The following ACACB variants were observed in gnomAD, a reference collection of about 807,000 sequenced individuals.
ACACB encodes the protein acetyl-CoA carboxylase beta, also known as acetyl-CoA carboxylase 2.
ACACB carries 209 observed loss-of-function variants against 278.8 expected under a neutral mutation model. The observed-to-expected ratio is 0.75, with a 90% confidence interval of 0.67 to 0.84. The LOEUF is 0.84. ACACB is among the 40% of genes least tolerant of loss of function. The pLI, the probability that ACACB is intolerant of heterozygous loss-of-function variation, is 0.00. For synonymous variants in ACACB, 1,174 were observed against 1,285.6 expected, an observed-to-expected ratio of 0.91 and a Z score of 1.86; for missense variants, 2,850 against 3,269.0, an observed-to-expected ratio of 0.87 and a Z score of 3.13.
chr12:109,216,367 G>A lies in ACACB; in HGVS notation c.3351-251G>A, dbSNP rs138421263. Among the ~76,000 whole-genome samples the A allele has an allele frequency of 3.6e-3, 546 of 151,926 alleles. 5 individuals carry two copies. The highest frequency in any genetic ancestry group is 0.013 in the African/African-American group (519 of 41,448). ...CTCCTGAGTAGCTGGGACTACCGGC[G>A]CGTGCCACCATGCCCAGCTAGTTTT... On this transcript the variant is annotated intron_variant, in intron 22 of 52. Coordinates refer to ENST00000338432, the MANE Select transcript of ACACB (RefSeq NM_001093.4).
In ACACB at chr12:109,139,982, C is replaced by G. The variant is rs1477550372; in HGVS notation, c.577C>G (p.Arg193Gly). 1.2e-6 allele frequency: 2 copies of G among 1,613,420 alleles called. No individual in the cohort carries two copies. The highest frequency in any genetic ancestry group is 1.3e-5 in the African/African-American group (1 of 74,944). Residue 193 changes from arginine to glycine, a missense_variant, in exon 2 of 53, where the codon CGG becomes GGG. Transcript: ENST00000338432. ...SSRESTRKGSRASLGALSLEA... is the reference protein window; with the variant it reads ...SSRESTRKGSGASLGALSLEA... ...TCGTGAGTCTACCCGGAAGGGCAGC[C>G]GGGCCAGCTTGGGGGCCCTGTCCCT...
chr12:109,249,734 T>A (rs1344943410), intron 40 of ACACB: 1 of 304,156 alleles, frequency 3.3e-6, no homozygotes. Flanking sequence ...TCAAGTAATC[T>A]GCCCGCCTCG....
rs754013012 is a variant in ACACB at position 109,241,061 on chromosome 12, G to T, written c.4819-17G>T. ...ATGTCTTGGCCCTGAAACTGGAATT[G>T]CTGTGTTTTGGGGCAGATCGAGGAG... On this transcript the variant is annotated splice_polypyrimidine_tract_variant and intron_variant, in intron 35 of 52. Coordinates refer to ENST00000338432, the MANE Select transcript of ACACB (RefSeq NM_001093.4). 3.2e-5 allele frequency: 51 copies of T among 1,610,548 alleles called. No individual in the cohort carries two copies. In the East Asian group the frequency reaches 1.1e-3, roughly 36 times the overall value.
At chr12:109,227,296 C>A in intron 27 of ACACB, 75 bp from the exon 28 acceptor site, 1 of 1,309,316 alleles carries the variant, frequency 7.6e-7, no homozygotes, top group Non-Finnish European at 1.1e-6. Flanking sequence ...ACCTGTTCCC[C>A]GTGAGTGCCC....
intron 22 of ACACB, 49 bp downstream of exon 22, chr12:109,212,985 C>T: frequency 6.6e-7 from 1 of 1,520,632 alleles, no homozygotes; most frequent in Non-Finnish European, 9.1e-7. Flanking sequence ...TGAATCGTCG[C>T]ATGCATTGCA....
intron 1 of ACACB, among the ~76,000 whole-genome samples, chr12:109,127,965 C>A (rs374295861): frequency 1.3e-5 from 2 of 152,182 alleles, no homozygotes; most frequent in South Asian, 4.1e-4. Context: ...GGAACTTTGG[C>A]AGAGTCCCCA....
rs2046779623 is a variant in ACACB at position 109,240,978 on chromosome 12, T to G, written c.4819-100T>G. 4 of 1,197,478 alleles carry G rather than the reference T, an allele frequency of 3.3e-6. No homozygotes were observed. In the Admixed American group the frequency reaches 7.6e-5, roughly 23 times the overall value. The allele number at this position is 1,197,478 out of a possible 1,614,324, so 74.2% of individuals were successfully genotyped here. ...ATACACACTATGTCCCAGGCGTTTT[T>G]GCAGTCAGTATATCTCATCCTCTTA... is the stretch of plus-strand genomic sequence containing the variant. On this transcript the variant is annotated intron_variant, in intron 35 of 52. Transcript: ENST00000338432.
chr12:109,229,942 T>A (rs114835950), intron 28 of ACACB, among the ~76,000 whole-genome samples: 2 of 152,304 alleles, frequency 1.3e-5, no homozygotes, highest in Admixed American at 6.5e-5. Flanking sequence ...GTGGGATACC[T>A]TCTCTTAAAG....
At chr12:109,174,292 G>A in intron 7 of ACACB, 62 bp downstream of exon 7, 1 of 1,348,170 alleles carries the variant, frequency 7.4e-7, no homozygotes, top group South Asian at 1.3e-5. Flanking sequence ...AATGTGAACG[G>A]TCAGGGTGAC....
chr12:109,133,248 C>G (rs1327907069), intron 1 of ACACB, among the ~76,000 whole-genome samples: 2 of 151,230 alleles, frequency 1.3e-5, no homozygotes, highest in Non-Finnish European at 3.0e-5. Context: ...CTTTCTCTCT[C>G]TCTCTCTCTC....
At chr12:109,165,798 ATC>A (rs2043877319) in intron 2 of ACACB, among the ~76,000 whole-genome samples, 1 of 152,170 alleles carries the variant, frequency 6.6e-6, no homozygotes, top group Non-Finnish European at 1.5e-5. Flanking sequence ...CTAAATTCAC[ATC>A]TCTCAGGATG....
intron 11 of ACACB, among the ~76,000 whole-genome samples, chr12:109,182,679 T>G (rs771248334): frequency 8.2e-4 from 125 of 152,340 alleles, no homozygotes; most frequent in Admixed American, 5.9e-4. Context: ...CTTGAGCTTC[T>G]TATGTATTCT....
rs192900717 is a variant in ACACB, at chr12:109,158,754, G to A, written c.654-8107G>A. Among the ~76,000 whole-genome samples the A allele has an allele frequency of 1.2e-4, 19 of 152,174 alleles. 1 individual carries two copies. Among genetic ancestry groups the A allele is most frequent in the African/African-American group, 4.1e-4 (17 of 41,532 alleles). ...TTTGGGAGGCCAAGGTGGGCAGATC[G>A]CCCTGAGGTCAGGAGTTCAAGACCA... On this transcript the variant is annotated intron_variant, in intron 2 of 52. Transcript: ENST00000338432.
At chr12:109,161,871 G>A (rs2043736180) in intron 2 of ACACB, among the ~76,000 whole-genome samples, 1 of 151,976 alleles carries the variant, frequency 6.6e-6, no homozygotes, top group Admixed American at 6.6e-5. Flanking sequence ...ATAGCAAAGA[G>A]ATAACGGCTC....
In ACACB at chr12:109,192,098, C is replaced by A; in HGVS notation, c.2399+148C>A. 3.6e-6 allele frequency: 3 copies of A among 830,484 alleles called. 1 individual carries two copies. The South Asian group carries it at 4.9e-5, about 14-fold the overall frequency. The allele number at this position is 830,484 out of a possible 1,614,324, so 51.4% of individuals were successfully genotyped here. A position where few individuals can be genotyped will look rare whatever the true frequency, so the allele number is the denominator to read the frequency against. ...GTCTTGCCTCTGGGAAATTCCTCTA[C>A]AGATCAACCTAGGCTACCCTTGAAG... On this transcript the variant is annotated intron_variant, in intron 15 of 52. Transcript: ENST00000338432.
chr12:109,234,637 C>A (rs2046579483), intron 31 of ACACB, among the ~76,000 whole-genome samples: 1 of 152,146 alleles, frequency 6.6e-6, no homozygotes, highest in Admixed American at 6.5e-5. Flanking sequence ...AGAATGAGAT[C>A]ATGTCCTTTG....
At position 109,210,255 on chromosome 12, in the gene ACACB, A is replaced by ACATATC. The variant is rs1555223042; in HGVS notation, c.3249+902_3249+903insCATATC. ...TATGTATATATGTATATATACACAC[A>ACATATC]TGTGTGTATATGTACATATACACAC... On this transcript the variant is annotated intron_variant, in intron 21 of 52. Coordinates refer to ENST00000338432, the MANE Select transcript of ACACB (RefSeq NM_001093.4). Among the ~76,000 whole-genome samples, 48 of 16,038 alleles carry ACATATC rather than the reference A, an allele frequency of 3.0e-3. 10 individuals carry two copies. Among genetic ancestry groups the ACATATC allele is most frequent in the South Asian group, 9.1e-3 (4 of 438 alleles). 10.5% of individuals were successfully genotyped at this position (16,038 alleles called of 152,430 possible).
intron 19 of ACACB, among the ~76,000 whole-genome samples, chr12:109,202,030 C>T (rs1005267582): frequency 6.6e-6 from 1 of 152,158 alleles, no homozygotes; most frequent in African/African-American, 2.4e-5. Flanking sequence ...TACTTGAATA[C>T]ACTGGACCCC....
chr12:109,120,853 T>C (rs559556711), intron 1 of ACACB, among the ~76,000 whole-genome samples: 68 of 152,358 alleles, frequency 4.5e-4, no homozygotes, highest in African/African-American at 1.3e-3. Context: ...CCTCATCTTA[T>C]CATTTTTGTG....
Sources: gnomAD v4.1 joint callset for allele counts (sites outside exome capture counted in the v4.1 genomes callset) on GRCh38, gnomAD v4.1.1 for gene constraint, MANE v1.5 for transcripts, NCBI Gene and HGNC (gene_info 2026-07-23, HGNC 2026-07-21) for gene names.